Variants in PADI1 observed in about 807,000 individuals in gnomAD.
The protein encoded by PADI1 is peptidyl arginine deiminase 1, also known as protein-arginine deiminase type-1.
Under a neutral mutation model 74.8 loss-of-function variants are expected in PADI1, and 65 were observed. The ratio of observed to expected loss-of-function variants is 0.87; its 90% CI spans 0.71 to 1.07. PADI1 has a LOEUF of 1.07. Among genes scored for constraint, PADI1 ranks in the 50% least tolerant of loss-of-function variants. The pLI is 0.00. For synonymous variants in PADI1, 371 were observed against 336.2 expected (o/e 1.10, Z -1.13); for missense variants, 943 against 854.0 (o/e 1.10, Z -1.30).
At chr1:17,212,258 A>T (rs889411494) in intron 1 of PADI1, among the ~76,000 whole-genome samples, 3 of 152,104 alleles carry the variant, frequency 2.0e-5, no homozygotes, top group African/African-American at 7.2e-5. Context: ...AGCGGCTGGC[A>T]CCTGTGGGGC....
At chr1:17,224,233 G>A (rs1409288119) in intron 3 of PADI1, 134 bp from the exon 4 acceptor site, 2 of 724,080 alleles carry the variant, frequency 2.8e-6, no homozygotes, top group African/African-American at 1.7e-5. Flanking sequence ...TCCCAAGTGT[G>A]GGGTCTGACC....
At chr1:17,241,266 T>A (rs1335099985) in intron 15 of PADI1, among the ~76,000 whole-genome samples, 1 of 152,224 alleles carries the variant, frequency 6.6e-6, no homozygotes, top group East Asian at 1.9e-4. Context: ...GATGAGCAGA[T>A]GTGATCTCAA....
chr1:17,205,426 C>CA lies in PADI1; in HGVS notation c.92+118dup, dbSNP rs534050281. The CA allele has an allele frequency of 3.0e-4, 242 of 794,388 alleles. No individual in the cohort carries two copies. The East Asian group carries it at 6.4e-3, about 21-fold the overall frequency. The allele number at this position is 794,388 out of a possible 1,614,324, so 49.2% of individuals were successfully genotyped here. A position where few individuals can be genotyped will look rare whatever the true frequency, so the allele number is the denominator to read the frequency against. ...TGGAAAGGATGCTGGCAGGAGATAG[C>CA]AGAGAAGGTGGAGTTGGCTGTGGAG... On this transcript the variant is annotated intron_variant, in intron 1 of 15. Coordinates refer to ENST00000375471, the MANE Select transcript of PADI1 (RefSeq NM_013358.3).
At chr1:17,241,582 A>G in intron 15 of PADI1, among the ~76,000 whole-genome samples, 1 of 55,754 alleles carries the variant, frequency 1.8e-5, no homozygotes. Context: ...GAATGTCGGA[A>G]TCGGGATGGA....
chr1:17,235,654 G>A (rs923138080), intron 11 of PADI1, among the ~76,000 whole-genome samples: 12 of 151,852 alleles, frequency 7.9e-5, no homozygotes, highest in African/African-American at 2.7e-4. Flanking sequence ...CTCGGAGGAT[G>A]CAGGCTCAGG....
chr1:17,233,873 C>T (rs1382511898), intron 11 of PADI1, among the ~76,000 whole-genome samples: 1 of 152,236 alleles, frequency 6.6e-6, no homozygotes, highest in East Asian at 1.9e-4. Flanking sequence ...TTCCTGGCAC[C>T]TACCCAGGCA....
Position 17,237,388 on chromosome 1 carries a change from T to C in PADI1, c.1388T>C (p.Leu463Pro). 1.2e-6 allele frequency: 2 copies of C among 1,613,830 alleles called. No individual in the cohort carries two copies. The highest frequency in any genetic ancestry group is 8.5e-7 in the Non-Finnish European group (1 of 1,179,840). The part of the protein sequence containing the change: ...KAQQVQAPVE[L>P]YSDWLSVGHV... ...CAGCAGGTGCAGGCACCCGTGGAGCTCTACTCGGACTGGCTCTCTGTGGGC... is the reference window on the plus strand; with the variant it reads ...CAGCAGGTGCAGGCACCCGTGGAGCCCTACTCGGACTGGCTCTCTGTGGGC... Residue 463 changes from leucine to proline, a missense_variant, in exon 12 of 16, where the codon CTC becomes CCC. Leu to Pro is a moderately conservative substitution (Grantham distance 98). Coordinates refer to ENST00000375471, the MANE Select transcript of PADI1 (RefSeq NM_013358.3).
At chr1:17,241,831 G>A (rs113134242) in intron 15 of PADI1, among the ~76,000 whole-genome samples, 2 of 133,426 alleles carry the variant, frequency 1.5e-5, no homozygotes, top group Non-Finnish European at 1.6e-5. Flanking sequence ...AGTGAATGTC[G>A]GAATCGGGAT....
intron 2 of PADI1, 76 bp from the exon 3 acceptor site, chr1:17,223,545 G>T: frequency 1.7e-6 from 2 of 1,206,322 alleles, no homozygotes; most frequent in Non-Finnish European, 1.2e-6. Context: ...GGGCTGTCAG[G>T]ATGTGTCCCT....
intron 13 of PADI1, 47 bp from the exon 14 acceptor site, chr1:17,239,657 T>C (rs1178324746): frequency 9.0e-6 from 13 of 1,437,934 alleles, no homozygotes; most frequent in Non-Finnish European, 1.3e-5. Flanking sequence ...GAAGACGGCC[T>C]CCAGGCAGTG....
intron 1 of PADI1, among the ~76,000 whole-genome samples, chr1:17,214,390 G>A (rs943877074): frequency 6.6e-6 from 1 of 152,102 alleles, no homozygotes; most frequent in Admixed American, 6.5e-5. Flanking sequence ...GCCTGGTGAG[G>A]GGCAGGCTCA....
rs144150093 is a variant in PADI1, at chr1:17,228,995, G to T, written c.873G>T (p.Met291Ile). ...TLFTDTVGFR[M>I]APWIMTPNTQ... ...TCACAGACACTGTGGGCTTCCGCAT[G>T]GCCCCCTGGATCATGACGCCCAACA... Residue 291 changes from methionine to isoleucine, a missense_variant, in exon 8 of 16, where the codon ATG (methionine) becomes ATT (isoleucine). Transcript: ENST00000375471. The T allele has an allele frequency of 1.6e-4, 259 of 1,596,898 alleles. No individual in the cohort carries two copies. In the African/African-American group the frequency reaches 2.9e-3, roughly 18 times the overall value.
At chr1:17,207,911 T>A (rs980951049) in intron 1 of PADI1, among the ~76,000 whole-genome samples, 1 of 152,220 alleles carries the variant, frequency 6.6e-6, no homozygotes, top group African/African-American at 2.4e-5. Context: ...AAGAGCTTCC[T>A]GCTGGCCAGG....
chr1:17,213,836 C>T (rs2071899258), intron 1 of PADI1, among the ~76,000 whole-genome samples: 1 of 152,226 alleles, frequency 6.6e-6, no homozygotes, highest in South Asian at 2.1e-4. Context: ...TTTTACACTC[C>T]TCATCCCGCC....
chr1:17,236,827 G>A (rs2072654039), intron 11 of PADI1, among the ~76,000 whole-genome samples: 1 of 152,232 alleles, frequency 6.6e-6, no homozygotes, highest in South Asian at 2.1e-4. Flanking sequence ...AAAGAGAAAA[G>A]AAGGAAAGAA....
Position 17,228,687 on chromosome 1 carries a change from GAGCGAC to G in PADI1, c.719_724del (p.Arg240_Gln241del), listed in dbSNP as rs748117057. On this transcript the variant is annotated inframe_deletion, in exon 7 of 16. Transcript: ENST00000375471. Reference sequence around the variant, plus strand: ...GCCCCAGTGTCTGTCCTATGAAGTTGAGCGACAGCCAGGGGAGCAGGAGATCAAGTT... The same window carrying G: ...GCCCCAGTGTCTGTCCTATGAAGTTGAGCCAGGGGAGCAGGAGATCAAGTT... 1.2e-6 allele frequency: 2 copies of G among 1,614,180 alleles called. No homozygotes were observed. Among genetic ancestry groups the G allele is most frequent in the South Asian group, 2.2e-5 (2 of 91,084 alleles).
At position 17,228,813 on chromosome 1, in the gene PADI1, G is replaced by A. The variant is rs758804526; in HGVS notation, c.825+16G>A. The stretch of plus-strand genomic sequence containing the variant: ...GGACCCGGGGGTGTGTACAGCACTG[G>A]GGGGTGGCCAAGGAGGCTGAGGGGT... On this transcript the variant is annotated intron_variant, in intron 7 of 15. Transcript: ENST00000375471. 1.4e-5 allele frequency: 23 copies of A among 1,612,862 alleles called. No individual in the cohort carries two copies. The South Asian group carries it at 2.1e-4, about 15-fold the overall frequency.
intron 11 of PADI1, among the ~76,000 whole-genome samples, chr1:17,233,526 G>A (rs1338805412): frequency 6.6e-6 from 1 of 152,230 alleles, no homozygotes; most frequent in Non-Finnish European, 1.5e-5. Context: ...CAGGAAACAA[G>A]GTATTTAGGT....
intron 8 of PADI1, 90 bp downstream of exon 8, chr1:17,229,141 C>A (rs975854716): frequency 8.8e-6 from 7 of 796,788 alleles, no homozygotes; most frequent in Non-Finnish European, 1.4e-5. Flanking sequence ...TCACTCACAC[C>A]GACGGATTCA....
Sources: allele counts gnomAD v4.1 joint callset (sites outside exome capture counted in the v4.1 genomes callset), GRCh38; gene constraint gnomAD v4.1.1; transcripts MANE v1.5; gene names NCBI Gene and HGNC (gene_info 2026-07-23, HGNC 2026-07-21).